The following TLL1 variants were observed in gnomAD, a reference collection of about 807,000 sequenced individuals.
The protein encoded by TLL1 is tolloid-like protein 1.
Under a neutral mutation model 128.2 loss-of-function variants are expected in TLL1, and 49 were observed. That is an observed-to-expected ratio of 0.38 (90% CI 0.30 to 0.48). The LOEUF is 0.48. Among genes scored for constraint, TLL1 ranks in the 20% least tolerant of loss-of-function variants. The probability of loss-of-function intolerance (pLI) is 0.96; values close to 1 mark genes in which losing one functional copy is unlikely to be tolerated. For missense variants in TLL1, 1,123 were observed against 1,242.0 expected, an observed-to-expected ratio of 0.90 and a Z score of 1.44; for synonymous variants, 454 against 418.8, an observed-to-expected ratio of 1.08 and a Z score of -1.03.
intron 18 of TLL1, among the ~76,000 whole-genome samples, chr4:166,086,436 T>C (rs1370745904): frequency 6.6e-6 from 1 of 152,094 alleles, no homozygotes. Context: ...AACTTTTCTG[T>C]TGCATGTGAC....
At chr4:165,904,013 T>C (rs1732135971) in intron 1 of TLL1, among the ~76,000 whole-genome samples, 1 of 152,164 alleles carries the variant, frequency 6.6e-6, no homozygotes, top group Non-Finnish European at 1.5e-5. Context: ...CAAACGCTAG[T>C]TTCTTGTTGC....
At chr4:165,914,627 G>A (rs1732698454) in intron 1 of TLL1, among the ~76,000 whole-genome samples, 1 of 152,198 alleles carries the variant, frequency 6.6e-6, no homozygotes, top group African/African-American at 2.4e-5. Flanking sequence ...AAACGGTATG[G>A]AATTCATTTC....
chr4:166,004,481 C>CA (rs929543998), intron 6 of TLL1, among the ~76,000 whole-genome samples: 4 of 152,026 alleles, frequency 2.6e-5, no homozygotes, highest in African/African-American at 9.6e-5. Context: ...GGGATATGTG[C>CA]ATATATATAA....
intron 18 of TLL1, among the ~76,000 whole-genome samples, chr4:166,078,831 A>G (rs1741156763): frequency 1.3e-5 from 2 of 152,162 alleles, no homozygotes; most frequent in Admixed American, 1.3e-4. Context: ...ATAATATCAA[A>G]AATTGTCTGA....
chr4:166,007,788 G>A (rs186871290), intron 6 of TLL1, among the ~76,000 whole-genome samples, 155 bp from the exon 7 acceptor site: 96 of 151,756 alleles, frequency 6.3e-4, no homozygotes, highest in Admixed American at 1.1e-3. Context: ...AGTGAAGACA[G>A]ATGCTTTCTG....
At chr4:166,028,693 G>A (rs1232152766) in intron 9 of TLL1, among the ~76,000 whole-genome samples, 1 of 151,670 alleles carries the variant, frequency 6.6e-6, no homozygotes, top group Admixed American at 6.6e-5. Flanking sequence ...TTATCCCCCT[G>A]ATGTATTAAA....
chr4:166,049,313 A>G (rs1301858463), intron 12 of TLL1, among the ~76,000 whole-genome samples: 2 of 152,180 alleles, frequency 1.3e-5, no homozygotes. Flanking sequence ...GAGAAGCGTC[A>G]GTATTCTATT....
intron 8 of TLL1, among the ~76,000 whole-genome samples, chr4:166,020,096 G>A (rs1738151232): frequency 6.6e-6 from 1 of 152,040 alleles, no homozygotes; most frequent in Non-Finnish European, 1.5e-5. Context: ...TTAGAGCTCT[G>A]GCAGTCTACT....
At chr4:165,994,340 A>G in intron 3 of TLL1, 41 bp from the exon 4 acceptor site, 3 of 1,613,562 alleles carry the variant, frequency 1.9e-6, no homozygotes, top group Non-Finnish European at 2.5e-6. Context: ...TTCCCTGACC[A>G]AGAACTTCTG....
rs979223391 is a variant in TLL1, at chr4:166,101,244, A to G, written c.*368A>G. 1.1e-5 allele frequency: 3 copies of G among 284,958 alleles called. No homozygotes were observed. The highest frequency in any genetic ancestry group is 2.0e-5 in the Non-Finnish European group (3 of 148,514). The allele number at this position is 284,958 out of a possible 1,614,324, so 17.7% of individuals were successfully genotyped here. On this transcript the variant is annotated 3_prime_UTR_variant, in exon 21 of 21. Transcript: ENST00000061240. ...TGACAATTTGTCAAGATTTAGGGAC[A>G]TAAAATGATCTTGCAGGTCGTAAAC... is the stretch of plus-strand genomic sequence containing the variant.
chr4:166,067,866 C>T (rs1340315151), intron 16 of TLL1, among the ~76,000 whole-genome samples: 1 of 151,744 alleles, frequency 6.6e-6, no homozygotes, highest in African/African-American at 2.4e-5. Context: ...GTTAAGTAAG[C>T]TGCTCAGTGT....
intron 8 of TLL1, among the ~76,000 whole-genome samples, chr4:166,017,047 A>G (rs1737983311): frequency 6.6e-6 from 1 of 151,942 alleles, no homozygotes; most frequent in Non-Finnish European, 1.5e-5. Context: ...CCAGGTTCTA[A>G]GCATAGAACC....
intron 1 of TLL1, among the ~76,000 whole-genome samples, chr4:165,982,573 A>T (rs1038054148): frequency 2.0e-5 from 3 of 151,732 alleles, no homozygotes; most frequent in African/African-American, 7.3e-5. Context: ...CCAAAAGGGA[A>T]GTCTTTTACA....
intron 1 of TLL1, among the ~76,000 whole-genome samples, chr4:165,897,079 C>T (rs901253686): frequency 6.6e-6 from 1 of 151,960 alleles, no homozygotes; most frequent in Non-Finnish European, 1.5e-5. Context: ...CCTTCACCCA[C>T]TTCTTGATTT....
chr4:165,954,071 A>T (rs17505521), intron 1 of TLL1, among the ~76,000 whole-genome samples: 1 of 152,060 alleles, frequency 6.6e-6, no homozygotes, highest in Non-Finnish European at 1.5e-5. Context: ...TACTTTTATT[A>T]TGTCTTTTTT....
chr4:166,021,027 C>T (rs1738203949), intron 8 of TLL1, among the ~76,000 whole-genome samples: 1 of 152,208 alleles, frequency 6.6e-6, no homozygotes, highest in East Asian at 1.9e-4. Context: ...AGTTTCAACA[C>T]ACATGGAGTC....
At chr4:166,008,386 A>G (rs1158530002) in intron 7 of TLL1, among the ~76,000 whole-genome samples, 3 of 151,568 alleles carry the variant, frequency 2.0e-5, no homozygotes, top group Non-Finnish European at 3.0e-5. Context: ...AAATTGGCAA[A>G]GAATTGTTTA....
intron 8 of TLL1, among the ~76,000 whole-genome samples, chr4:166,022,721 T>C (rs1196274177): frequency 6.6e-6 from 1 of 152,190 alleles, no homozygotes; most frequent in Non-Finnish European, 1.5e-5. Flanking sequence ...TAATAATTCC[T>C]CAACAATGCA....
Position 166,057,217 on chromosome 4 carries a change from G to C in TLL1, c.1754G>C (p.Gly585Ala). The C allele has an allele frequency of 1.2e-6, 2 of 1,613,916 alleles. No homozygotes were observed. Among genetic ancestry groups the C allele is most frequent in the Non-Finnish European group, 1.7e-6 (2 of 1,179,938 alleles). The change falls in exon 14 of 21, where the codon GGC becomes GCC. Residue 585 changes from glycine to alanine, a missense_variant. Physicochemically the swap from Gly to Ala is moderately conservative, Grantham distance 60. This residue lies in a region of TLL1 where 634 missense variants were observed against 672.4 expected (regional missense o/e 0.94). Transcript: ENST00000061240. ...GAGTGTGCCAAACCTGACCGTGGAG[G>C]CTGTGAGCAGCGATGTCTGAACACT... The part of the protein sequence containing the change: ...EDECAKPDRG[G>A]CEQRCLNTLG...
Sources: gnomAD v4.1 joint callset for allele counts (sites outside exome capture counted in the v4.1 genomes callset) on GRCh38, gnomAD v4.1.1 for gene constraint, gnomAD v4.1.1 regional missense constraint, MANE v1.5 for transcripts, NCBI Gene and HGNC (gene_info 2026-07-23, HGNC 2026-07-21) for gene names.